PDGFD: variants seen among roughly 807,000 people sequenced by gnomAD.
The protein encoded by PDGFD is platelet derived growth factor D.
In PDGFD, 30 loss-of-function variants were observed where a neutral mutation model predicts 44.7. The ratio of observed to expected loss-of-function variants is 0.67; its 90% confidence interval spans 0.50 to 0.91. PDGFD has a LOEUF of 0.91. Among genes scored for constraint, PDGFD ranks in the 40% least tolerant of loss-of-function variants. The pLI, the probability that PDGFD is intolerant of heterozygous loss-of-function variation, is 0.00. For missense variants in PDGFD, 445 were observed against 457.8 expected (o/e 0.97, Z 0.25); for synonymous variants, 173 against 168.4 (o/e 1.03, Z -0.21).
At chr11:104,085,931 C>A (rs1021212073) in intron 1 of PDGFD, among the ~76,000 whole-genome samples, 3 of 152,148 alleles carry the variant, frequency 2.0e-5, no homozygotes, top group African/African-American at 7.2e-5. Flanking sequence ...CCCAGGAATT[C>A]TTGTGTCACT....
At chr11:104,006,118 C>A (rs1859697776) in intron 1 of PDGFD, among the ~76,000 whole-genome samples, 1 of 152,178 alleles carries the variant, frequency 6.6e-6, no homozygotes, top group African/African-American at 2.4e-5. Flanking sequence ...TATTACTTAT[C>A]CCTGAAATCC....
At chr11:103,981,258 G>A (rs1157684459) in intron 3 of PDGFD, among the ~76,000 whole-genome samples, 2 of 151,294 alleles carry the variant, frequency 1.3e-5, no homozygotes, top group African/African-American at 2.4e-5. Flanking sequence ...TGCCATCTTG[G>A]GACTCTGCAG....
intron 6 of PDGFD, among the ~76,000 whole-genome samples, chr11:103,922,187 C>T (rs1858235309): frequency 6.6e-6 from 1 of 152,138 alleles, no homozygotes; most frequent in Admixed American, 6.5e-5. Flanking sequence ...TTTAATAGGT[C>T]ACTATACTTT....
At chr11:104,002,340 A>G (rs1318169279) in intron 1 of PDGFD, among the ~76,000 whole-genome samples, 1 of 152,148 alleles carries the variant, frequency 6.6e-6, no homozygotes, top group Non-Finnish European at 1.5e-5. Context: ...TGACTAGATC[A>G]TGGGGTGGTT....
At chr11:104,115,397 T>C (rs1861620921) in intron 1 of PDGFD, among the ~76,000 whole-genome samples, 1 of 151,102 alleles carries the variant, frequency 6.6e-6, no homozygotes. Context: ...GAATTAATAT[T>C]ATTAATAAGT....
At chr11:104,161,732 G>A (rs1862390707) in intron 1 of PDGFD, among the ~76,000 whole-genome samples, 1 of 152,090 alleles carries the variant, frequency 6.6e-6, no homozygotes. Flanking sequence ...GCACCCCATT[G>A]GGGACAATAT....
intron 3 of PDGFD, among the ~76,000 whole-genome samples, chr11:103,965,797 G>C (rs1388460491): frequency 6.6e-6 from 1 of 152,058 alleles, no homozygotes; most frequent in Non-Finnish European, 1.5e-5. Context: ...TCAACAACAG[G>C]AACACCTGCA....
intron 1 of PDGFD, among the ~76,000 whole-genome samples, chr11:104,122,901 A>G (rs918710707): frequency 2.6e-5 from 4 of 151,892 alleles, no homozygotes; most frequent in African/African-American, 9.7e-5. Flanking sequence ...TTATATCAGA[A>G]AAAAAAAATT....
chr11:103,951,307 G>A (rs1199297111), intron 3 of PDGFD, among the ~76,000 whole-genome samples: 2 of 152,122 alleles, frequency 1.3e-5, no homozygotes, highest in Non-Finnish European at 2.9e-5. Context: ...CAATAGGGAG[G>A]ATTCACCTGC....
chr11:104,121,112 T>C (rs1015229183), intron 1 of PDGFD, among the ~76,000 whole-genome samples: 6 of 152,040 alleles, frequency 3.9e-5, no homozygotes, highest in African/African-American at 1.4e-4. Context: ...CACCACTGTT[T>C]TGTAGTCTCC....
chr11:103,989,219 A>T (rs1457245562), intron 3 of PDGFD, among the ~76,000 whole-genome samples: 1 of 152,216 alleles, frequency 6.6e-6, no homozygotes, highest in Admixed American at 6.5e-5. Flanking sequence ...CTTCCCAAAG[A>T]GAACACTAGT....
intron 1 of PDGFD, among the ~76,000 whole-genome samples, chr11:104,127,685 A>C (rs1224609245): frequency 6.6e-6 from 1 of 152,144 alleles, no homozygotes; most frequent in African/African-American, 2.4e-5. Context: ...TATGTGCTAA[A>C]CAGTGGTATG....
At chr11:104,114,652 T>G (rs1861605876) in intron 1 of PDGFD, among the ~76,000 whole-genome samples, 1 of 152,020 alleles carries the variant, frequency 6.6e-6, no homozygotes. Context: ...GGATTTTGAT[T>G]GGGATTACCA....
chr11:103,969,698 AAC>A (rs1223054856), intron 3 of PDGFD, among the ~76,000 whole-genome samples: 2 of 151,966 alleles, frequency 1.3e-5, no homozygotes, highest in African/African-American at 4.8e-5. Flanking sequence ...TGACTCTGCT[AAC>A]AGAGTTCTTG....
At position 104,040,670 on chromosome 11, in the gene PDGFD, C is replaced by T. The variant is rs145948836; in HGVS notation, c.125-40415G>A. Among the ~76,000 whole-genome samples the T allele has an allele frequency of 1.8e-4, 27 of 151,778 alleles. 1 individual carries two copies. The East Asian group carries it at 4.3e-3, about 24-fold the overall frequency. On this transcript the variant is annotated intron_variant, in intron 1 of 6. Transcript: ENST00000393158. The stretch of plus-strand genomic sequence containing the variant: ...CATTTTGCAGATGGAAAATTTGAGG[C>T]TCAGAATTATTAGAAACATTCAAAT...
At chr11:104,040,462 G>A (rs1368819872) in intron 1 of PDGFD, among the ~76,000 whole-genome samples, 1 of 151,966 alleles carries the variant, frequency 6.6e-6, no homozygotes, top group Non-Finnish European at 1.5e-5. Flanking sequence ...TTTCATTAAT[G>A]TCTTCATGTA....
In PDGFD at chr11:103,993,119, G is replaced by C. The variant is rs573342945; in HGVS notation, c.510+2946C>G. ...GGGTCTCACTCTGACACAGGCAGGA[G>C]TGCAGTGGTGGCATCACTGCTCACT... On this transcript the variant is annotated intron_variant, in intron 3 of 6. Transcript: ENST00000393158. Among the ~76,000 whole-genome samples the C allele has an allele frequency of 2.7e-4, 41 of 152,276 alleles. 1 individual carries two copies. The highest frequency in any genetic ancestry group is 2.5e-3 in the Admixed American group (38 of 15,290).
chr11:104,141,085 A>T (rs1482244972), intron 1 of PDGFD, among the ~76,000 whole-genome samples: 1 of 152,188 alleles, frequency 6.6e-6, no homozygotes, highest in African/African-American at 2.4e-5. Flanking sequence ...GTGCTCACTG[A>T]TGACAGGTCT....
intron 1 of PDGFD, among the ~76,000 whole-genome samples, chr11:104,087,709 A>C (rs1861153090): frequency 6.6e-6 from 1 of 152,210 alleles, no homozygotes; most frequent in East Asian, 1.9e-4. Context: ...TGCCCAGAAC[A>C]ATTTCTGCAA....
Sources: gnomAD v4.1 joint callset for allele counts (sites outside exome capture counted in the v4.1 genomes callset) on GRCh38, gnomAD v4.1.1 for gene constraint, MANE v1.5 for transcripts, NCBI Gene and HGNC (gene_info 2026-07-23, HGNC 2026-07-21) for gene names.